The following CRTC3 variants were observed in gnomAD, a reference collection of about 807,000 sequenced individuals.
CRTC3 encodes CREB regulated transcription coactivator 3.
CRTC3 carries 26 observed loss-of-function variants against 74.5 expected under a neutral mutation model. The observed-to-expected ratio is 0.35, with a 90% CI of 0.26 to 0.48. The LOEUF is 0.48. Ranked by LOEUF, CRTC3 falls within the 20% of genes least tolerant of loss-of-function variation. The probability of loss-of-function intolerance (pLI) is 0.99; values close to 1 mark genes in which losing one functional copy is unlikely to be tolerated. For synonymous variants in CRTC3, 377 were observed against 325.8 expected (o/e 1.16, Z -1.69); for missense variants, 760 against 787.3 (o/e 0.97, Z 0.41).
rs937156130 is a variant in CRTC3, at chr15:90,625,722, T to G, written c.750-54T>G. 3.5e-5 allele frequency: 53 copies of G among 1,519,374 alleles called. 1 individual carries two copies. In the Admixed American group the frequency reaches 5.4e-4, roughly 15 times the overall value. The allele number at this position is 1,519,374 out of a possible 1,614,324, so 94.1% of individuals were successfully genotyped here. A position where few individuals can be genotyped will look rare whatever the true frequency, so the allele number is the denominator to read the frequency against. On this transcript the variant is annotated intron_variant, in intron 9 of 14. Transcript: ENST00000268184. Reference sequence around the variant, plus strand: ...GGAAAAGGTTTCAGCCATGTTTGGTTTCCCAACAGCCAAATACATTGTAGA... The same window carrying G: ...GGAAAAGGTTTCAGCCATGTTTGGTGTCCCAACAGCCAAATACATTGTAGA...
intron 6 of CRTC3, 178 bp from the exon 7 acceptor site, chr15:90,614,275 C>A: frequency 1.9e-6 from 1 of 539,796 alleles, no homozygotes; most frequent in Non-Finnish European, 3.3e-6. Flanking sequence ...TTCAAATTAG[C>A]TATACCTATT....
chr15:90,604,642 A>C (rs1482178950), intron 5 of CRTC3, among the ~76,000 whole-genome samples, 195 bp downstream of exon 5: 1 of 152,184 alleles, frequency 6.6e-6, no homozygotes, highest in Non-Finnish European at 1.5e-5. Context: ...TGAGACTCCC[A>C]GGGTTTGCAT....
At chr15:90,561,799 A>T (rs1967016378) in intron 2 of CRTC3, among the ~76,000 whole-genome samples, 1 of 152,236 alleles carries the variant, frequency 6.6e-6, no homozygotes, top group South Asian at 2.1e-4. Flanking sequence ...AAAATTTCAC[A>T]ATAGTCAGGA....
chr15:90,533,312 G>C (rs1226123366), intron 1 of CRTC3, among the ~76,000 whole-genome samples: 1 of 150,932 alleles, frequency 6.6e-6, no homozygotes, highest in Non-Finnish European at 1.5e-5. Flanking sequence ...GCTGCGGCAG[G>C]AGGGAGGCTG....
At chr15:90,583,157 A>G (rs1567173461) in intron 2 of CRTC3, among the ~76,000 whole-genome samples, 1 of 151,992 alleles carries the variant, frequency 6.6e-6, no homozygotes, top group African/African-American at 2.4e-5. Context: ...TCTTATTTTG[A>G]GAAATTATTT....
intron 2 of CRTC3, among the ~76,000 whole-genome samples, chr15:90,579,401 G>T (rs1355756317): frequency 6.6e-6 from 1 of 152,138 alleles, no homozygotes; most frequent in Non-Finnish European, 1.5e-5. Context: ...CAAGGAAGAG[G>T]ACCATGGCCT....
In CRTC3 at chr15:90,629,476, G is replaced by C. The variant is rs372616463; in HGVS notation, c.1210G>C (p.Gly404Arg). Residue 404 changes from glycine to arginine, a missense_variant, in exon 11 of 15, where the codon GGT becomes CGT. Around this residue, in one of 2 missense-constraint regions of CRTC3, gnomAD observed 652 missense variants for 635.2 expected, o/e 1.03. Transcript: ENST00000268184. ...TLSPGPEAHQGFSRQLSSTSP... is the reference protein window; with the variant it reads ...TLSPGPEAHQRFSRQLSSTSP... ...TTCTCCTGGCCCTGAAGCACATCAA[G>C]GTTTCAGCAGACAGCTGTCTTCAAC... is the stretch of plus-strand genomic sequence containing the variant. 5.0e-6 allele frequency: 8 copies of C among 1,613,934 alleles called. No homozygotes were observed. The highest frequency in any genetic ancestry group is 6.8e-6 in the Non-Finnish European group (8 of 1,180,034).
chr15:90,606,417 C>A (rs1403809799), intron 5 of CRTC3, among the ~76,000 whole-genome samples: 4 of 152,066 alleles, frequency 2.6e-5, no homozygotes, highest in African/African-American at 4.8e-5. Flanking sequence ...CAAAAGTTAG[C>A]TGGGCATGGT....
chr15:90,613,960 ATCT>A (rs927292813), intron 6 of CRTC3: 2 of 152,432 alleles, frequency 1.3e-5, no homozygotes, highest in South Asian at 4.1e-4. Flanking sequence ...CTCCAGATAA[ATCT>A]TCTTCTTAAA....
chr15:90,602,649 A>G (rs144853231), intron 4 of CRTC3, among the ~76,000 whole-genome samples: 1 of 47,454 alleles, frequency 2.1e-5, no homozygotes, highest in African/African-American at 1.1e-4. Context: ...CAAACAAACA[A>G]ACAAAACAAC....
At chr15:90,551,628 A>G (rs1223195985) in intron 2 of CRTC3, among the ~76,000 whole-genome samples, 3 of 151,856 alleles carry the variant, frequency 2.0e-5, no homozygotes, top group Non-Finnish European at 2.9e-5. Flanking sequence ...TTAAGTCCTC[A>G]CCTTCCCTTA....
chr15:90,642,181 C>G lies in CRTC3; in HGVS notation c.*41C>G. Reference sequence around the variant, plus strand: ...ACAGAAGAATGTTTTTCTGCAACAGCCAAAATAGAATGGAATAGAATGAAG... The same window carrying G: ...ACAGAAGAATGTTTTTCTGCAACAGGCAAAATAGAATGGAATAGAATGAAG... On this transcript the variant is annotated 3_prime_UTR_variant, in exon 15 of 15. Transcript: ENST00000268184. 1 of 1,558,848 alleles carries G rather than the reference C, an allele frequency of 6.4e-7. No individual in the cohort carries two copies. Among genetic ancestry groups the G allele is most frequent in the South Asian group, 1.1e-5 (1 of 89,782 alleles).
Position 90,643,088 on chromosome 15 carries a change from C to G in CRTC3, c.*948C>G. The G allele has an allele frequency of 4.3e-6, 1 of 232,450 alleles. No individual in the cohort carries two copies. The highest frequency in any genetic ancestry group is 8.5e-6 in the Non-Finnish European group (1 of 117,536). The allele number at this position is 232,450 out of a possible 1,614,324, so 14.4% of individuals were successfully genotyped here. A position where few individuals can be genotyped will look rare whatever the true frequency, so the allele number is the denominator to read the frequency against. On this transcript the variant is annotated 3_prime_UTR_variant, in exon 15 of 15. Coordinates refer to ENST00000268184, the MANE Select transcript of CRTC3 (RefSeq NM_022769.5). ...TGTGGGCTGGGAGTCTAATGTCACCCCCCTAGACCGTAAGCTCCTTGAGGG... is the reference window on the plus strand; with the variant it reads ...TGTGGGCTGGGAGTCTAATGTCACCGCCCTAGACCGTAAGCTCCTTGAGGG...
At chr15:90,565,061 G>A (rs1967093960) in intron 2 of CRTC3, among the ~76,000 whole-genome samples, 1 of 152,182 alleles carries the variant, frequency 6.6e-6, no homozygotes, top group Non-Finnish European at 1.5e-5. Context: ...TCCTGCCACA[G>A]CCTCCCGAGT....
rs1967699475 is a variant in CRTC3 at position 90,587,758 on chromosome 15, CGT to C, written c.232-5876_232-5875del. The stretch of plus-strand genomic sequence containing the variant: ...CCTCCCAAGTAGCTGGGACTACAAG[CGT>C]GAACCACCACACCTGACAAATTTTT... On this transcript the variant is annotated intron_variant, in intron 2 of 14. Coordinates refer to ENST00000268184, the MANE Select transcript of CRTC3 (RefSeq NM_022769.5). Among the ~76,000 whole-genome samples the C allele has an allele frequency of 5.3e-5, 8 of 151,198 alleles. No individual in the cohort carries two copies. In the South Asian group the frequency reaches 1.7e-3, roughly 32 times the overall value.
In CRTC3 at chr15:90,642,183, A is replaced by G. The variant is rs1969474166; in HGVS notation, c.*43A>G. 1 of 1,553,016 alleles carries G rather than the reference A, an allele frequency of 6.4e-7. No homozygotes were observed. The highest frequency in any genetic ancestry group is 1.1e-5 in the South Asian group (1 of 89,636). On this transcript the variant is annotated 3_prime_UTR_variant, in exon 15 of 15. Transcript: ENST00000268184. ...AGAAGAATGTTTTTCTGCAACAGCC[A>G]AAATAGAATGGAATAGAATGAAGCC...
intron 7 of CRTC3, among the ~76,000 whole-genome samples, chr15:90,614,934 C>T (rs895571735): frequency 2.6e-5 from 4 of 152,000 alleles, no homozygotes; most frequent in Admixed American, 6.6e-5. Flanking sequence ...CGTGGTGGCA[C>T]GTGCCTGTGG....
intron 2 of CRTC3, among the ~76,000 whole-genome samples, chr15:90,588,287 G>T (rs1304672917): frequency 6.6e-6 from 1 of 151,274 alleles, no homozygotes; most frequent in East Asian, 2.0e-4. Flanking sequence ...AGAAAAATGG[G>T]ACTCTCTATT....
chr15:90,564,108 A>G (rs1450974232), intron 2 of CRTC3, among the ~76,000 whole-genome samples: 1 of 152,208 alleles, frequency 6.6e-6, no homozygotes, highest in Admixed American at 6.5e-5. Flanking sequence ...GAAGGATTAA[A>G]CAATTTCCCT....
Sources: gnomAD v4.1 joint callset for allele counts (sites outside exome capture counted in the v4.1 genomes callset) on GRCh38, gnomAD v4.1.1 for gene constraint, gnomAD v4.1.1 regional missense constraint, MANE v1.5 for transcripts, NCBI Gene and HGNC (gene_info 2026-07-23, HGNC 2026-07-21) for gene names.